Variants in EIF3H observed in about 807,000 individuals in gnomAD.
The protein encoded by EIF3H is eukaryotic translation initiation factor 3 subunit H.
A neutral mutation model predicts 44.2 loss-of-function variants in EIF3H; 26 were observed. The ratio of observed to expected loss-of-function variants is 0.59; its 90% confidence interval spans 0.43 to 0.82. The LOEUF (loss-of-function observed/expected upper bound fraction) is 0.82, where lower values mean the gene tolerates loss of function less well. Among genes scored for constraint, EIF3H ranks in the 40% least tolerant of loss-of-function variants. EIF3H has a pLI of 0.00. For synonymous variants in EIF3H, 166 were observed against 151.9 expected, an observed-to-expected ratio of 1.09 and a Z score of -0.68; for missense variants, 359 against 432.8, an observed-to-expected ratio of 0.83 and a Z score of 1.51.
chr8:116,737,061 G>GA, intron 1 of EIF3H, among the ~76,000 whole-genome samples: 1 of 152,034 alleles, frequency 6.6e-6, no homozygotes, highest in East Asian at 1.9e-4. Flanking sequence ...CAAATTCAAA[G>GA]AAATTGGAAA....
In EIF3H at chr8:116,646,593, C is replaced by T. The variant is rs761089984; in HGVS notation, c.839G>A (p.Arg280His). 2.5e-6 allele frequency: 4 copies of T among 1,613,944 alleles called. No homozygotes were observed. Among genetic ancestry groups the T allele is most frequent in the Non-Finnish European group, 3.4e-6 (4 of 1,179,938 alleles). ...QQQQKHQYQQ[R>H]RQQENMQRQS... ...GCGCTGCATATTCTCCTGCTGGCGACGCTGCTGATACTAAAATTCAAAGGG... is the reference window on the plus strand; with the variant it reads ...GCGCTGCATATTCTCCTGCTGGCGATGCTGCTGATACTAAAATTCAAAGGG... The change falls in exon 7 of 8, where the codon CGT becomes CAT. Residue 280 changes from arginine to histidine, a missense_variant. By Grantham distance (29) the Arg-to-His change is conservative. This residue lies in a region of EIF3H where 94 missense variants were observed against 96.0 expected (regional missense o/e 0.98). Transcript: ENST00000521861.
In EIF3H at chr8:116,705,493, C is replaced by G. The variant is rs568115026; in HGVS notation, c.289+20523G>C. Among the ~76,000 whole-genome samples, 90 of 123,100 alleles carry G rather than the reference C, an allele frequency of 7.3e-4. No individual in the cohort carries two copies. In the East Asian group the frequency reaches 0.014, roughly 19 times the overall value. The allele number at this position is 123,100 out of a possible 152,430, so 80.8% of individuals were successfully genotyped here. ...ATGCCATGTGGGTAACATGTTACACCCCCCCCCACCACCAACACCCCAGGA... is the reference window on the plus strand; with the variant it reads ...ATGCCATGTGGGTAACATGTTACACGCCCCCCCACCACCAACACCCCAGGA... On this transcript the variant is annotated intron_variant, in intron 2 of 7. Coordinates refer to ENST00000521861, the MANE Select transcript of EIF3H (RefSeq NM_003756.3).
At chr8:116,746,083 A>G (rs1815230001) in intron 1 of EIF3H, among the ~76,000 whole-genome samples, 1 of 152,196 alleles carries the variant, frequency 6.6e-6, no homozygotes, top group Non-Finnish European at 1.5e-5. Flanking sequence ...TGAACTCAGC[A>G]GTTTAAGGTT....
At chr8:116,666,001 AATTAATACATCTGTT>A (rs1278139302) in intron 2 of EIF3H, among the ~76,000 whole-genome samples, 2 of 152,204 alleles carry the variant, frequency 1.3e-5, no homozygotes, top group Non-Finnish European at 2.9e-5. Context: ...CTCTCGTTTC[AATTAATACATCTGTT>A]ATTAATACCA....
At chr8:116,734,333 C>G in intron 1 of EIF3H, 1 of 456,012 alleles carries the variant, frequency 2.2e-6, no homozygotes, top group Non-Finnish European at 4.4e-6. Flanking sequence ...AACTGAAGAA[C>G]AAGCCATCAG....
Position 116,720,670 on chromosome 8 carries a change from C to G in EIF3H, c.289+5346G>C, listed in dbSNP as rs545437112. Among the ~76,000 whole-genome samples the G allele has an allele frequency of 3.9e-5, 6 of 152,192 alleles. No homozygotes were observed. In the East Asian group the frequency reaches 1.2e-3, roughly 29 times the overall value. ...AAACTGTAGGAAAGTTTGGAACTTC[C>G]CAGAGACTTGTTGAATGGTTTTGAC... On this transcript the variant is annotated intron_variant, in intron 2 of 7. Coordinates refer to ENST00000521861, the MANE Select transcript of EIF3H (RefSeq NM_003756.3).
intron 2 of EIF3H, among the ~76,000 whole-genome samples, chr8:116,660,567 CA>C (rs1813569513): frequency 6.6e-6 from 1 of 151,886 alleles, no homozygotes; most frequent in African/African-American, 2.4e-5. Flanking sequence ...AACAAACAAA[CA>C]AAAACAACCA....
At chr8:116,740,718 A>G (rs1469371825) in intron 1 of EIF3H, among the ~76,000 whole-genome samples, 1 of 152,166 alleles carries the variant, frequency 6.6e-6, no homozygotes, top group Non-Finnish European at 1.5e-5. Flanking sequence ...AAGCTTAAAC[A>G]TGAATTCTTA....
intron 1 of EIF3H, among the ~76,000 whole-genome samples, chr8:116,734,076 TGA>T (rs751169410): frequency 6.6e-6 from 1 of 152,210 alleles, no homozygotes; most frequent in Admixed American, 6.5e-5. Flanking sequence ...CGTGAAAGAA[TGA>T]GAGTAAAAAT....
At chr8:116,746,458 T>C (rs1034896981) in intron 1 of EIF3H, among the ~76,000 whole-genome samples, 1 of 152,194 alleles carries the variant, frequency 6.6e-6, no homozygotes, top group Non-Finnish European at 1.5e-5. Context: ...CTTAAAACAG[T>C]ACCTGTCACA....
At position 116,658,727 on chromosome 8, in the gene EIF3H, G is replaced by A. The variant is rs1013516125; in HGVS notation, c.457+86C>T. On this transcript the variant is annotated intron_variant, in intron 3 of 7. Coordinates refer to ENST00000521861, the MANE Select transcript of EIF3H (RefSeq NM_003756.3). ...GGTATTTACTTGAGAAGGCCTGCCA[G>A]ACTGCTCTTAGAGGCAAAAAGGACA... is the stretch of plus-strand genomic sequence containing the variant. The A allele has an allele frequency of 3.6e-6, 5 of 1,402,284 alleles. No individual in the cohort carries two copies. In the African/African-American group the frequency reaches 7.3e-5, roughly 21 times the overall value. The allele number at this position is 1,402,284 out of a possible 1,614,324, so 86.9% of individuals were successfully genotyped here. A position where few individuals can be genotyped will look rare whatever the true frequency, so the allele number is the denominator to read the frequency against.
intron 2 of EIF3H, among the ~76,000 whole-genome samples, chr8:116,678,128 T>G (rs1395434989): frequency 6.7e-6 from 1 of 150,136 alleles, no homozygotes; most frequent in Non-Finnish European, 1.5e-5. Flanking sequence ...TGCCTGCGAT[T>G]GCAGGCGCGC....
At chr8:116,680,973 T>C (rs1175105166) in intron 2 of EIF3H, among the ~76,000 whole-genome samples, 1 of 146,552 alleles carries the variant, frequency 6.8e-6, no homozygotes, top group Non-Finnish European at 1.5e-5. Context: ...ATTTATAAAT[T>C]AAAAAAAAAA....
intron 5 of EIF3H, among the ~76,000 whole-genome samples, chr8:116,650,476 G>C (rs1002742817): frequency 6.6e-6 from 1 of 152,042 alleles, no homozygotes; most frequent in African/African-American, 2.4e-5. Context: ...ATTCTTAATA[G>C]CCAAAAACTA....
chr8:116,711,015 T>G (rs1814565809), intron 2 of EIF3H, among the ~76,000 whole-genome samples: 1 of 152,240 alleles, frequency 6.6e-6, no homozygotes, highest in South Asian at 2.1e-4. Flanking sequence ...TACATACATT[T>G]TAGAAATATA....
intron 1 of EIF3H, among the ~76,000 whole-genome samples, chr8:116,731,014 G>A (rs116557474): frequency 0.016 from 2,385 of 152,286 alleles, 52 homozygotes; most frequent in African/African-American, 0.053. Flanking sequence ...CACAATAAAT[G>A]AGTGATACCA....
At chr8:116,755,937 GT>G (rs1815440907), upstream of EIF3H, 3 of 1,537,620 alleles carry the variant, frequency 2.0e-6, no homozygotes, top group Non-Finnish European at 1.7e-6. Flanking sequence ...CCTCCCTCCT[GT>G]TTTCCAGTTT....
chr8:116,654,849 C>G (rs1813462003), intron 5 of EIF3H, among the ~76,000 whole-genome samples: 1 of 152,060 alleles, frequency 6.6e-6, no homozygotes. Context: ...ATTGATGTCT[C>G]TGGCCCTTCT....
chr8:116,720,078 G>A (rs528666553), intron 2 of EIF3H, among the ~76,000 whole-genome samples: 1 of 148,872 alleles, frequency 6.7e-6, no homozygotes, highest in Admixed American at 6.7e-5. Flanking sequence ...TGGAAAATGA[G>A]ACTGAAAAGA....
Sources: allele counts gnomAD v4.1 joint callset (sites outside exome capture counted in the v4.1 genomes callset), GRCh38; gene constraint gnomAD v4.1.1; regional missense constraint gnomAD v4.1.1; transcripts MANE v1.5; gene names NCBI Gene and HGNC (gene_info 2026-07-23, HGNC 2026-07-21).